Variants in PDLIM7 observed in about 807,000 individuals in gnomAD.
PDLIM7 encodes PDZ and LIM domain 7, also known as PDZ and LIM domain protein 7.
In PDLIM7, 37 loss-of-function variants were observed where a neutral mutation model predicts 53.9. The observed-to-expected ratio is 0.69, with a 90% CI of 0.53 to 0.90. PDLIM7 has a LOEUF of 0.90. PDLIM7 is among the 40% of genes least tolerant of loss of function. PDLIM7 has a pLI of 0.00. For missense variants in PDLIM7, 617 were observed against 638.5 expected (o/e 0.97, Z 0.36); for synonymous variants, 300 against 261.3 (o/e 1.15, Z -1.43).
rs1451481599 is a variant in PDLIM7, at chr5:177,496,455, C to T, written c.58G>A (p.Gly20Arg). ...GPAPWGFRLQ[G>R]GKDFNVPLSI... ...AGGGGCACATTGAAGTCCTTGCCCC[C>T]TTGCAGCCGGAAGCCCCAAGGTGCT... The change falls in exon 2 of 13, where the codon GGG becomes AGG. Residue 20 changes from glycine (G) to arginine (R), a missense_variant. Physicochemically the swap from Gly to Arg is moderately radical, Grantham distance 125. Coordinates refer to ENST00000355841, the MANE Select transcript of PDLIM7 (RefSeq NM_005451.5). 1.2e-6 allele frequency: 2 copies of T among 1,604,588 alleles called. No individual in the cohort carries two copies.
In PDLIM7 at chr5:177,491,852, G is replaced by T; in HGVS notation, c.353C>A (p.Pro118His). 1 of 1,284,050 alleles carries T rather than the reference G, an allele frequency of 7.8e-7. No homozygotes were observed. Among genetic ancestry groups the T allele is most frequent in the African/African-American group, 1.5e-5 (1 of 64,628 alleles). 79.5% of individuals were successfully genotyped at this position (1,284,050 alleles called of 1,614,324 possible). The change falls in exon 5 of 13, where the codon CCC becomes CAC. Residue 118 changes from proline (P) to histidine (H), a missense_variant. Pro to His is a moderately conservative substitution (Grantham distance 77). Coordinates refer to ENST00000355841, the MANE Select transcript of PDLIM7 (RefSeq NM_005451.5). ...PSVSLNKTAR[P>H]FGAPPPADSA... The stretch of plus-strand genomic sequence containing the variant: ...GTCAGCGGGCGGGGGCGCCCCAAAG[G>T]GCCGGGCCGTCTTGTTGAGGGAGAC...
At chr5:177,491,318 G>A in intron 5 of PDLIM7, 172 bp from the exon 6 acceptor site, 1 of 1,498,156 alleles carries the variant, frequency 6.7e-7, no homozygotes, top group Non-Finnish European at 9.1e-7. Context: ...GCGAAGTGGA[G>A]AGGAGGGCAG....
At position 177,489,421 on chromosome 5, in the gene PDLIM7, CG is replaced by C. The variant is rs35410317; in HGVS notation, c.840del (p.Val281CysfsTer76). ...PGGGSNNGKT[P>X]VCHQCHKVIR... is the part of the protein sequence containing the mutation. ...ATGACCTTGTGGCACTGGTGACACA[CG>C]GGAGTCTTGCCGTTGTTGCTGCCCC... On this transcript the variant is annotated frameshift_variant, in exon 9 of 13. Coordinates refer to ENST00000355841, the MANE Select transcript of PDLIM7 (RefSeq NM_005451.5). LOFTEE classifies it high-confidence loss of function. 4 of 1,596,494 alleles carry C rather than the reference CG, an allele frequency of 2.5e-6. No individual in the cohort carries two copies. The highest frequency in any genetic ancestry group is 3.5e-5 in the Admixed American group (2 of 57,574).
intron 4 of PDLIM7, 116 bp downstream of exon 4, chr5:177,492,289 C>G: frequency 3.7e-6 from 5 of 1,356,772 alleles, no homozygotes; most frequent in Non-Finnish European, 5.1e-6. Flanking sequence ...GCTCCGGTTT[C>G]TGCCCTCCAC....
At chr5:177,494,564 TG>T (rs926354434) in intron 2 of PDLIM7, among the ~76,000 whole-genome samples, 18 of 18,314 alleles carry the variant, frequency 9.8e-4, no homozygotes, top group Non-Finnish European at 1.7e-3. Context: ...GGAGAGGGGG[TG>T]GGGGGCGGGG....
chr5:177,485,344 G>C (rs1758385876), intron 10 of PDLIM7, among the ~76,000 whole-genome samples: 1 of 152,202 alleles, frequency 6.6e-6, no homozygotes, highest in Non-Finnish European at 1.5e-5. Context: ...TCATCCCTAG[G>C]ACCCTCGGGG....
intron 9 of PDLIM7, 135 bp downstream of exon 9, chr5:177,489,258 G>A: frequency 1.4e-6 from 1 of 705,580 alleles, no homozygotes. Context: ...CCCAGCCCAG[G>A]TCCCTACTCC....
intron 9 of PDLIM7, among the ~76,000 whole-genome samples, chr5:177,489,088 C>T (rs1034627542): frequency 4.6e-5 from 7 of 152,314 alleles, no homozygotes; most frequent in South Asian, 2.1e-4. Context: ...GGGGCAGACG[C>T]GCTGGGAGGG....
chr5:177,492,150 G>A (rs1199188216), intron 4 of PDLIM7: 12 of 603,078 alleles, frequency 2.0e-5, no homozygotes, highest in South Asian at 4.1e-5. Context: ...GACCGAGTGC[G>A]GGCGAGCACG....
intron 9 of PDLIM7, among the ~76,000 whole-genome samples, chr5:177,489,009 C>T (rs1758600737): frequency 1.3e-5 from 2 of 152,042 alleles, no homozygotes; most frequent in South Asian, 4.1e-4. Context: ...CCCCACGGGG[C>T]AGTGCACAGA....
chr5:177,491,397 C>T, intron 5 of PDLIM7: 1 of 1,551,956 alleles, frequency 6.4e-7, no homozygotes, highest in Non-Finnish European at 8.7e-7. Flanking sequence ...GAGGGGGGCT[C>T]ACTGACTTGT....
At chr5:177,491,170 A>G in intron 5 of PDLIM7, 24 bp from the exon 6 acceptor site, 1 of 969,612 alleles carries the variant, frequency 1.0e-6, no homozygotes. Flanking sequence ...GTGGCTCAGA[A>G]CCCCACACTG....
Position 177,484,232 on chromosome 5 carries a change from C to T in PDLIM7, c.1051-42G>A, listed in dbSNP as rs767031561. The T allele has an allele frequency of 6.9e-6, 11 of 1,604,918 alleles. No homozygotes were observed. The Admixed American group carries it at 1.5e-4, about 22-fold the overall frequency. On this transcript the variant is annotated intron_variant, in intron 10 of 12. Coordinates refer to ENST00000355841, the MANE Select transcript of PDLIM7 (RefSeq NM_005451.5). ...GTCACTCGGCAGGCTCAGGCCCCTCCTGCCCTGCCCTGGGTCACGGGAACA... is the reference window on the plus strand; with the variant it reads ...GTCACTCGGCAGGCTCAGGCCCCTCTTGCCCTGCCCTGGGTCACGGGAACA...
chr5:177,486,695 G>A (rs1192979794), intron 10 of PDLIM7, among the ~76,000 whole-genome samples: 3 of 152,126 alleles, frequency 2.0e-5, no homozygotes, highest in South Asian at 2.1e-4. Flanking sequence ...CTGGAGTGCA[G>A]TGGCGCGATC....
chr5:177,496,560 G>T (rs1759082763), intron 1 of PDLIM7, 37 bp from the exon 2 acceptor site: 2 of 1,451,598 alleles, frequency 1.4e-6, no homozygotes, highest in East Asian at 2.7e-5. Context: ...GGCCAGCATG[G>T]TGGGCGGGCA....
chr5:177,492,481 C>G, intron 3 of PDLIM7, 45 bp downstream of exon 3: 2 of 1,613,584 alleles, frequency 1.2e-6, no homozygotes, highest in Non-Finnish European at 1.7e-6. Flanking sequence ...CCGCAGGGAT[C>G]CCCACTGCCA....
At chr5:177,490,197 A>G in intron 7 of PDLIM7, 4 of 1,443,188 alleles carry the variant, frequency 2.8e-6, no homozygotes, top group East Asian at 5.0e-5. Context: ...ACACCCCCAC[A>G]CCCCAAATGC....
chr5:177,495,435 G>C (rs1759022286), intron 2 of PDLIM7, among the ~76,000 whole-genome samples: 1 of 152,170 alleles, frequency 6.6e-6, no homozygotes, highest in African/African-American at 2.4e-5. Flanking sequence ...GGGGCAGGCG[G>C]ATATAGGGGC....
At chr5:177,493,820 T>TG (rs922545880) in intron 2 of PDLIM7, among the ~76,000 whole-genome samples, 3 of 126,868 alleles carry the variant, frequency 2.4e-5, no homozygotes, top group Admixed American at 1.5e-4. Context: ...TTTCACTGGG[T>TG]GGGGGGGATC....
Sources: gnomAD v4.1 joint callset for allele counts (sites outside exome capture counted in the v4.1 genomes callset) on GRCh38, gnomAD v4.1.1 for gene constraint, MANE v1.5 for transcripts, NCBI Gene and HGNC (gene_info 2026-07-23, HGNC 2026-07-21) for gene names.